Variants in SAMMSON observed in about 807,000 individuals in gnomAD.
SAMMSON encodes survival associated mitochondrial melanoma specific oncogenic non-coding RNA.
intron 4 of SAMMSON, among the ~76,000 whole-genome samples, chr3:70,089,730 T>C (rs1326816963): frequency 6.6e-6 from 1 of 152,094 alleles, no homozygotes; most frequent in African/African-American, 2.4e-5. Flanking sequence ...TTTTTGGATG[T>C]TTTCAAAAAA....
intron 7 of SAMMSON, among the ~76,000 whole-genome samples, chr3:70,318,212 C>T (rs1702508684): frequency 6.6e-6 from 1 of 151,826 alleles, no homozygotes; most frequent in South Asian, 2.1e-4. Context: ...TTTTTCTGTC[C>T]CATTCTCTGT....
At chr3:70,177,777 G>A (rs991170814) in intron 4 of SAMMSON, among the ~76,000 whole-genome samples, 7 of 152,124 alleles carry the variant, frequency 4.6e-5, no homozygotes, top group Non-Finnish European at 1.0e-4. Context: ...GGGTAAAACT[G>A]AAATTCAAAC....
intron 3 of SAMMSON, among the ~76,000 whole-genome samples, chr3:70,020,367 A>G (rs1308868289): frequency 6.6e-6 from 1 of 152,046 alleles, no homozygotes; most frequent in Non-Finnish European, 1.5e-5. Context: ...ACAATTTTTG[A>G]CCTCTCCTAG....
At chr3:70,022,022 C>A (rs9851891) in intron 3 of SAMMSON, among the ~76,000 whole-genome samples, 84,682 of 151,862 alleles carry the variant, frequency 0.56, 25,404 homozygotes, top group African/African-American at 0.77. Context: ...TAGGTGACAG[C>A]GTTTCACATC....
chr3:70,075,880 CTG>C (rs1491446940), intron 4 of SAMMSON, among the ~76,000 whole-genome samples: 3 of 62,398 alleles, frequency 4.8e-5, no homozygotes, highest in African/African-American at 2.0e-4. Context: ...TTTTCGATAC[CTG>C]TTTTTTTTTT....
At chr3:70,037,159 T>C (rs1160340462) in intron 3 of SAMMSON, among the ~76,000 whole-genome samples, 2 of 151,920 alleles carry the variant, frequency 1.3e-5, no homozygotes, top group Non-Finnish European at 2.9e-5. Context: ...ATCTATTGAT[T>C]TGTTTTTTTT....
chr3:70,185,308 C>T (rs1701083967), intron 4 of SAMMSON, among the ~76,000 whole-genome samples: 1 of 152,098 alleles, frequency 6.6e-6, no homozygotes, highest in Non-Finnish European at 1.5e-5. Context: ...GAAAAAGGCT[C>T]AGAATAGCCC....
intron 7 of SAMMSON, among the ~76,000 whole-genome samples, chr3:70,347,506 A>G (rs1157305959): frequency 6.6e-6 from 1 of 152,136 alleles, no homozygotes; most frequent in African/African-American, 2.4e-5. Context: ...AGTATATGCT[A>G]TGCTTTATGC....
chr3:70,426,235 C>T (rs1202602582), intron 2 of SAMMSON, among the ~76,000 whole-genome samples: 3 of 152,176 alleles, frequency 2.0e-5, no homozygotes, highest in Non-Finnish European at 4.4e-5. Flanking sequence ...TTGATCCTGA[C>T]CATTTGTCTG....
intron 2 of SAMMSON, among the ~76,000 whole-genome samples, chr3:70,012,981 A>G (rs979578840): frequency 6.6e-6 from 1 of 152,174 alleles, no homozygotes; most frequent in Non-Finnish European, 1.5e-5. Context: ...TCTACTATCC[A>G]GTTTGTAGAC....
At chr3:70,268,725 T>A (rs1701947226) in intron 6 of SAMMSON, among the ~76,000 whole-genome samples, 1 of 152,200 alleles carries the variant, frequency 6.6e-6, no homozygotes, top group South Asian at 2.1e-4. Flanking sequence ...AATCTATTGA[T>A]TTTGGCATCT....
At chr3:70,206,753 T>C in intron 4 of SAMMSON, 2 of 397,858 alleles carry the variant, frequency 5.0e-6, no homozygotes, top group East Asian at 7.1e-5. Flanking sequence ...CATTAATGGG[T>C]TTCTCATCTG....
At chr3:70,381,626 A>T (rs1179547737) in intron 9 of SAMMSON, among the ~76,000 whole-genome samples, 1 of 152,134 alleles carries the variant, frequency 6.6e-6, no homozygotes, top group African/African-American at 2.4e-5. Flanking sequence ...ACCAAGCTAA[A>T]CCTGAGTCAA....
chr3:70,418,952 T>TTCCTTTCCTC, intron 2 of SAMMSON, among the ~76,000 whole-genome samples: 1 of 97,254 alleles, frequency 1.0e-5, no homozygotes, highest in African/African-American at 3.3e-5. Context: ...TTCCTTTCCT[T>TTCCTTTCCTC]TCCTTTCCTT....
At chr3:70,065,752 AC>A (rs1230101232) in intron 3 of SAMMSON, among the ~76,000 whole-genome samples, 1 of 151,806 alleles carries the variant, frequency 6.6e-6, no homozygotes, top group African/African-American at 2.4e-5. Context: ...CAGCACAGCC[AC>A]CCCCACAACA....
intron 3 of SAMMSON, among the ~76,000 whole-genome samples, chr3:70,033,370 T>C (rs1308671800): frequency 3.3e-5 from 5 of 151,856 alleles, no homozygotes; most frequent in Non-Finnish European, 1.5e-5. Context: ...GGAAGAATAA[T>C]GTGAGGAGGG....
chr3:70,245,832 A>G (rs919124071), intron 4 of SAMMSON, among the ~76,000 whole-genome samples: 7 of 150,592 alleles, frequency 4.6e-5, no homozygotes, highest in Non-Finnish European at 7.4e-5. Context: ...ATTTTTTTGA[A>G]TGTCTACTGA....
intron 6 of SAMMSON, among the ~76,000 whole-genome samples, chr3:70,258,873 A>G: frequency 6.6e-6 from 1 of 152,248 alleles, no homozygotes; most frequent in South Asian, 2.1e-4. Flanking sequence ...TTTTTCTTTA[A>G]TTTTTTAAAT....
chr3:70,132,931 T>G (rs1446331107), intron 4 of SAMMSON, among the ~76,000 whole-genome samples: 1 of 152,072 alleles, frequency 6.6e-6, no homozygotes, highest in Admixed American at 6.6e-5. Flanking sequence ...TAGACATGAG[T>G]GTTTGCTACC....
Sources: gnomAD v4.1 joint callset for allele counts (sites outside exome capture counted in the v4.1 genomes callset) on GRCh38, gnomAD v4.1.1 for gene constraint, MANE v1.5 for transcripts, NCBI Gene and HGNC (gene_info 2026-07-23, HGNC 2026-07-21) for gene names.